Variants in THSD7B observed in about 807,000 individuals in gnomAD.
The protein encoded by THSD7B is thrombospondin type-1 domain-containing protein 7B.
Under a neutral mutation model 213.6 loss-of-function variants are expected in THSD7B, and 138 were observed. The ratio of observed to expected loss-of-function variants is 0.65; its 90% CI spans 0.56 to 0.74. The LOEUF is 0.74. THSD7B is among the 30% of genes least tolerant of loss of function. The pLI is 0.00. For missense variants in THSD7B, 1,931 were observed against 1,991.5 expected, an observed-to-expected ratio of 0.97 and a Z score of 0.58; for synonymous variants, 742 against 687.0, an observed-to-expected ratio of 1.08 and a Z score of -1.25.
chr2:136,976,963 A>T (rs1685491553), intron 2 of THSD7B, among the ~76,000 whole-genome samples: 1 of 152,144 alleles, frequency 6.6e-6, no homozygotes, highest in Non-Finnish European at 1.5e-5. Flanking sequence ...TTTTGGTATC[A>T]GGATGATGCT....
chr2:137,458,626 T>C (rs1687818349), intron 15 of THSD7B, among the ~76,000 whole-genome samples: 2 of 152,178 alleles, frequency 1.3e-5, no homozygotes, highest in Non-Finnish European at 2.9e-5. Flanking sequence ...AATTCTGCAG[T>C]AGTTGAGACA....
intron 12 of THSD7B, among the ~76,000 whole-genome samples, chr2:137,309,073 C>T (rs73958844): frequency 0.075 from 11,339 of 152,038 alleles, 613 homozygotes; most frequent in African/African-American, 0.13. Context: ...TATTTCCAAA[C>T]GGGCTTCTAG....
rs1156473254 is a variant in THSD7B, at chr2:137,257,477, C to T, written c.2266+14905C>T. Among the ~76,000 whole-genome samples the T allele has an allele frequency of 2.0e-5, 3 of 152,278 alleles. No individual in the cohort carries two copies. The East Asian group carries it at 5.8e-4, about 29-fold the overall frequency. Reference sequence around the variant, plus strand: ...ATGGTTCCAAAGATCCAGGGTATCTCACAAAGTCCCCACATTCCCATCTCT... The same window carrying T: ...ATGGTTCCAAAGATCCAGGGTATCTTACAAAGTCCCCACATTCCCATCTCT... On this transcript the variant is annotated intron_variant, in intron 10 of 27. Transcript: ENST00000409968.
intron 1 of THSD7B, among the ~76,000 whole-genome samples, chr2:136,849,802 A>G (rs999820853): frequency 6.6e-6 from 1 of 152,204 alleles, no homozygotes; most frequent in African/African-American, 2.4e-5. Context: ...ACAGAATATT[A>G]GAGACATACA....
At chr2:137,572,973 G>A (rs1457963877) in intron 17 of THSD7B, among the ~76,000 whole-genome samples, 1 of 151,704 alleles carries the variant, frequency 6.6e-6, no homozygotes, top group African/African-American at 2.4e-5. Context: ...TTCTGTTAGT[G>A]ATGATCTGTT....
rs745830928 is a variant in THSD7B at position 137,405,820 on chromosome 2, T to C, written c.2695+13T>C. 2.9e-5 allele frequency: 47 copies of C among 1,599,116 alleles called. No individual in the cohort carries two copies. Among genetic ancestry groups the C allele is most frequent in the Admixed American group, 5.2e-5 (3 of 57,568 alleles). On this transcript the variant is annotated intron_variant, in intron 13 of 27. Transcript: ENST00000409968. ...CGACAGCTCACAGGTATAGTGTGCA[T>C]TTTACTCTTTAGCATCAGGCAAGCT...
At chr2:136,856,322 C>T (rs1558827707) in intron 1 of THSD7B, among the ~76,000 whole-genome samples, 1 of 152,074 alleles carries the variant, frequency 6.6e-6, no homozygotes, top group African/African-American at 2.4e-5. Context: ...ACATCTCAAC[C>T]ACCTTTTTAA....
intron 7 of THSD7B, among the ~76,000 whole-genome samples, chr2:137,188,385 T>TGAAGGTAGATAC (rs1680592526): frequency 1.3e-5 from 2 of 152,188 alleles, no homozygotes; most frequent in South Asian, 4.1e-4. Flanking sequence ...TCTGGAAGTC[T>TGAAGGTAGATAC]TCTAACCCAT....
At chr2:137,286,245 T>A (rs1343868129) in intron 12 of THSD7B, among the ~76,000 whole-genome samples, 1 of 152,132 alleles carries the variant, frequency 6.6e-6, no homozygotes, top group Non-Finnish European at 1.5e-5. Context: ...AGTCTAATTT[T>A]CTGATTGAAA....
At chr2:137,271,171 ACT>A (rs1317437600) in intron 10 of THSD7B, among the ~76,000 whole-genome samples, 1 of 151,178 alleles carries the variant, frequency 6.6e-6, no homozygotes, top group East Asian at 1.9e-4. Flanking sequence ...CTTCTCCTAC[ACT>A]GTCTTTTCTC....
rs536125709 is a variant in THSD7B, at chr2:136,873,453, G to A, written c.-35-8691G>A. Among the ~76,000 whole-genome samples the A allele has an allele frequency of 2.0e-5, 3 of 152,290 alleles. No individual in the cohort carries two copies. In the South Asian group the frequency reaches 6.2e-4, roughly 32 times the overall value. ...GTTACTAAACATCATGTCATTGCAA[G>A]GCCGGAGGTTGTTCTCTCATAAAAT... On this transcript the variant is annotated intron_variant, in intron 1 of 27. Coordinates refer to ENST00000409968, the MANE Select transcript of THSD7B (RefSeq NM_001316349.2).
intron 12 of THSD7B, among the ~76,000 whole-genome samples, chr2:137,282,375 G>T (rs1319350824): frequency 6.6e-6 from 1 of 152,120 alleles, no homozygotes; most frequent in Non-Finnish European, 1.5e-5. Context: ...TCTGATGGTA[G>T]TTTCTTTCGC....
intron 7 of THSD7B, among the ~76,000 whole-genome samples, chr2:137,190,388 C>T (rs1284137371): frequency 6.6e-6 from 1 of 152,084 alleles, no homozygotes; most frequent in African/African-American, 2.4e-5. Context: ...AGTTGCCTGA[C>T]TTTGGGCAGC....
At position 137,618,474 on chromosome 2, in the gene THSD7B, T is replaced by C. The variant is rs369093024; in HGVS notation, c.3648T>C (p.Asp1216=). ...GCCTGCTAAGCTGTGTGTGCAGTGA[T>C]GGCAAGCCAGTCAGCATGGACCAAT... ...RTRLLSCVCS[D]GKPVSMDQCE... Residue 1216 remains aspartate, a synonymous_variant, in exon 19 of 28, where the codon GAT becomes GAC. Coordinates refer to ENST00000409968, the MANE Select transcript of THSD7B (RefSeq NM_001316349.2). 3.1e-6 allele frequency: 5 copies of C among 1,613,866 alleles called. No homozygotes were observed. In the African/African-American group the frequency reaches 6.7e-5, roughly 22 times the overall value.
chr2:137,302,817 T>A (rs1465103909), intron 12 of THSD7B, among the ~76,000 whole-genome samples: 1 of 152,180 alleles, frequency 6.6e-6, no homozygotes, highest in Admixed American at 6.5e-5. Context: ...AAAACTTTTC[T>A]GTATTAAAAA....
At chr2:137,452,160 T>G (rs1470631430) in intron 15 of THSD7B, 1 of 319,832 alleles carries the variant, frequency 3.1e-6, no homozygotes, top group Non-Finnish European at 4.5e-6. Flanking sequence ...TATATTTAAG[T>G]TCTAAAACAG....
intron 12 of THSD7B, among the ~76,000 whole-genome samples, chr2:137,278,230 T>C (rs1402325491): frequency 6.6e-6 from 1 of 152,082 alleles, no homozygotes; most frequent in African/African-American, 2.4e-5. Flanking sequence ...ATAAGTCCCA[T>C]ATCAAGGCTT....
chr2:136,937,189 T>C (rs1684749494), intron 2 of THSD7B, among the ~76,000 whole-genome samples: 1 of 152,004 alleles, frequency 6.6e-6, no homozygotes, highest in Non-Finnish European at 1.5e-5. Context: ...AGCCTTACTC[T>C]TGCATTTACT....
intron 1 of THSD7B, among the ~76,000 whole-genome samples, chr2:136,774,332 C>A (rs1419544108): frequency 6.6e-6 from 1 of 152,004 alleles, no homozygotes; most frequent in Non-Finnish European, 1.5e-5. Context: ...GGTGATATTT[C>A]TGATCAAATG....
Sources: allele counts gnomAD v4.1 joint callset (sites outside exome capture counted in the v4.1 genomes callset), GRCh38; gene constraint gnomAD v4.1.1; transcripts MANE v1.5; gene names NCBI Gene and HGNC (gene_info 2026-07-23, HGNC 2026-07-21).